The following TIE1 variants were observed in gnomAD, a reference collection of about 807,000 sequenced individuals.
The protein encoded by TIE1 is tyrosine-protein kinase receptor Tie-1.
In TIE1, 89 loss-of-function variants were observed where a neutral mutation model predicts 130.5. That is an observed-to-expected ratio of 0.68 (90% CI 0.57 to 0.81). TIE1 has a LOEUF of 0.81. Among genes scored for constraint, TIE1 ranks in the 40% least tolerant of loss-of-function variants. TIE1 has a pLI of 0.00. For missense variants in TIE1, 1,392 were observed against 1,559.8 expected (o/e 0.89, Z 1.81); for synonymous variants, 568 against 629.4 (o/e 0.90, Z 1.46).
Position 43,315,588 on chromosome 1 carries a change from A to G in TIE1, c.2410-1611A>G, listed in dbSNP as rs1646851009. On this transcript the variant is annotated intron_variant, in intron 14 of 22. Coordinates refer to ENST00000372476, the MANE Select transcript of TIE1 (RefSeq NM_005424.5). This position sits in a 1 kb window ranked among gnomAD's most constrained non-coding sequence, Gnocchi z 4.4. Reference sequence around the variant, plus strand: ...AGAACTGCTTGAACCCGGATGGCAGAGGTTGCAGTGAGCCAATATCACGCC... The same window carrying G: ...AGAACTGCTTGAACCCGGATGGCAGGGGTTGCAGTGAGCCAATATCACGCC... Among the ~76,000 whole-genome samples the G allele has an allele frequency of 6.6e-6, 1 of 152,082 alleles. No individual in the cohort carries two copies. Among genetic ancestry groups the G allele is most frequent in the Non-Finnish European group, 1.5e-5 (1 of 68,010 alleles).
chr1:43,312,573 C>T lies in TIE1; in HGVS notation c.1899C>T (p.Pro633=). The change falls in exon 12 of 23, where the codon CCC becomes CCT. Residue 633 remains proline (P), a synonymous_variant. Coordinates refer to ENST00000372476, the MANE Select transcript of TIE1 (RefSeq NM_005424.5). This position sits in a 1 kb window ranked among gnomAD's most constrained non-coding sequence, Gnocchi z 5.6. ...GCACCCTCCTGGGCCCGGCCTCGCCCCCTGCACACGTGCTTCTGCCCCCCA... is the reference window on the plus strand; with the variant it reads ...GCACCCTCCTGGGCCCGGCCTCGCCTCCTGCACACGTGCTTCTGCCCCCCA... ...YHCTLLGPAS[P]PAHVLLPPSG... The T allele has an allele frequency of 1.2e-6, 2 of 1,610,646 alleles. No individual in the cohort carries two copies. The highest frequency in any genetic ancestry group is 1.7e-6 in the Non-Finnish European group (2 of 1,178,494).
chr1:43,312,064 G>A lies in TIE1; in HGVS notation c.1563G>A (p.Leu521=), dbSNP rs1646801438. 6.2e-7 allele frequency: 1 copy of A among 1,606,620 alleles called. No homozygotes were observed. The highest frequency in any genetic ancestry group is 1.3e-5 in the African/African-American group (1 of 74,890). ...PKTGYSVRVQ[L]SRPGEGGEGA... ...CAGGATACAGTGTTCGTGTGCAGCTGAGCCGGCCAGGGGAAGGAGGAGAGG... is the reference window on the plus strand; with the variant it reads ...CAGGATACAGTGTTCGTGTGCAGCTAAGCCGGCCAGGGGAAGGAGGAGAGG... The change falls in exon 11 of 23, where the codon CTG becomes CTA. Residue 521 remains leucine, a synonymous_variant. Transcript: ENST00000372476. The surrounding 1 kb of genome is among the most constrained non-coding windows in gnomAD (Gnocchi z 5.6).
In TIE1 at chr1:43,322,263, GTTC is replaced by G. The variant is rs1180677134; in HGVS notation, c.3346-384_3346-382del. Among the ~76,000 whole-genome samples the G allele has an allele frequency of 6.6e-6, 1 of 152,166 alleles. No individual in the cohort carries two copies. Among genetic ancestry groups the G allele is most frequent in the Non-Finnish European group, 1.5e-5 (1 of 68,032 alleles). On this transcript the variant is annotated intron_variant, in intron 22 of 22. Coordinates refer to ENST00000372476, the MANE Select transcript of TIE1 (RefSeq NM_005424.5). The surrounding 1 kb of genome is among the most constrained non-coding windows in gnomAD (Gnocchi z 4.0). ...ATATCAAAATTAGTAAATATGAAGA[GTTC>G]TTCAAGTAAATTAATGATTAAATAA... is the stretch of plus-strand genomic sequence containing the variant.
chr1:43,321,858 C>T, intron 22 of TIE1, 143 bp downstream of exon 22: 1 of 772,020 alleles, frequency 1.3e-6, no homozygotes, highest in South Asian at 1.7e-5. Context: ...TAGGCTGGGC[C>T]CCAGGATGCA....
Position 43,307,301 on chromosome 1 carries a change from G to A in TIE1, c.772+28G>A. 1.2e-6 allele frequency: 2 copies of A among 1,613,868 alleles called. No homozygotes were observed. Among genetic ancestry groups the A allele is most frequent in the Non-Finnish European group, 8.5e-7 (1 of 1,179,946 alleles). ...AAGGAGGAGGGGAGCTAGGACCCAG[G>A]CAGGAGAGGATCCCTGACTGGGAGA... On this transcript the variant is annotated intron_variant, in intron 5 of 22. Coordinates refer to ENST00000372476, the MANE Select transcript of TIE1 (RefSeq NM_005424.5). The surrounding 1 kb of genome is among the most constrained non-coding windows in gnomAD (Gnocchi z 5.4).
intron 10 of TIE1, 63 bp from the exon 11 acceptor site, chr1:43,311,931 G>C (rs1468133884): frequency 1.9e-6 from 3 of 1,564,364 alleles, no homozygotes; most frequent in Non-Finnish European, 2.6e-6. Flanking sequence ...GGGCTGAAGG[G>C]AGCATGGCAG....
chr1:43,313,254 G>A lies in TIE1; in HGVS notation c.2047G>A (p.Val683Met). The A allele has an allele frequency of 6.2e-7, 1 of 1,614,028 alleles. No individual in the cohort carries two copies. Among genetic ancestry groups the A allele is most frequent in the African/African-American group, 1.3e-5 (1 of 75,026 alleles). ...ATCCAAGTACGTTGTGGAGGTGCAG[G>A]TGGCTGGGGGTGCAGGAGACCCACT... ...PISKYVVEVQ[V>M]AGGAGDPLWI... Residue 683 changes from valine (V) to methionine (M), a missense_variant, in exon 13 of 23, where the codon GTG (valine) becomes ATG (methionine). Val to Met is a conservative substitution (Grantham distance 21, BLOSUM62 1). Transcript: ENST00000372476. This position sits in a 1 kb window ranked among gnomAD's most constrained non-coding sequence, Gnocchi z 6.2.
chr1:43,310,457 T>C (rs1187603365), intron 9 of TIE1, among the ~76,000 whole-genome samples: 1 of 152,204 alleles, frequency 6.6e-6, no homozygotes, highest in African/African-American at 2.4e-5. Context: ...TGATGATGTA[T>C]TTAAGCATTT....
rs779840101 is a variant in TIE1, at chr1:43,313,335, G to A, written c.2128G>A (p.Ala710Thr). ...AAGCACCATCATCCGTGGCCTCAAC[G>A]CCAGCACGCGCTACCTCTTCCGCAT... ...ETSTIIRGLN[A>T]STRYLFRMRA... The change falls in exon 13 of 23, where the codon GCC becomes ACC. Residue 710 changes from alanine to threonine, a missense_variant. Ala to Thr is a moderately conservative substitution (Grantham distance 58, BLOSUM62 0). Transcript: ENST00000372476. The surrounding 1 kb of genome is among the most constrained non-coding windows in gnomAD (Gnocchi z 6.2). 12 of 1,613,890 alleles carry A rather than the reference G, an allele frequency of 7.4e-6. No homozygotes were observed. The highest frequency in any genetic ancestry group is 5.0e-5 in the Admixed American group (3 of 59,990).
Position 43,317,467 on chromosome 1 carries a change from A to G in TIE1, c.2620+58A>G. ...TGCTCTCCTTTGTCCCACAAATCCC[A>G]GGCCCCACCTGGCTTCCTCCAGCAA... On this transcript the variant is annotated intron_variant, in intron 15 of 22. Coordinates refer to ENST00000372476, the MANE Select transcript of TIE1 (RefSeq NM_005424.5). This position sits in a 1 kb window ranked among gnomAD's most constrained non-coding sequence, Gnocchi z 5.1. The G allele has an allele frequency of 6.2e-7, 1 of 1,611,432 alleles. No individual in the cohort carries two copies. The highest frequency in any genetic ancestry group is 2.2e-5 in the East Asian group (1 of 44,866).
At position 43,316,154 on chromosome 1, in the gene TIE1, C is replaced by A. The variant is rs1015512112; in HGVS notation, c.2410-1045C>A. ...TGTGTGCTCCATGTATGAGTGCACA[C>A]GTGCATCCCCTGTGAGTGCCACATG... On this transcript the variant is annotated intron_variant, in intron 14 of 22. Transcript: ENST00000372476. The surrounding 1 kb of genome is among the most constrained non-coding windows in gnomAD (Gnocchi z 4.4). Among the ~76,000 whole-genome samples, 1 of 152,246 alleles carries A rather than the reference C, an allele frequency of 6.6e-6. No individual in the cohort carries two copies. The highest frequency in any genetic ancestry group is 2.4e-5 in the African/African-American group (1 of 41,462).
rs1402676012 is a variant in TIE1 at position 43,306,190 on chromosome 1, T to G, written c.485-650T>G. On this transcript the variant is annotated intron_variant, in intron 3 of 22. Coordinates refer to ENST00000372476, the MANE Select transcript of TIE1 (RefSeq NM_005424.5). The surrounding 1 kb of genome is among the most constrained non-coding windows in gnomAD (Gnocchi z 4.9). ...ACTTGAATTGTGCTCAGAGGAGAAG[T>G]GGGAAGACAAAGAAGGCAGAAAAGG... 6.6e-6 allele frequency among the ~76,000 whole-genome samples: 1 copy of G among 151,514 alleles called. No homozygotes were observed. The highest frequency in any genetic ancestry group is 1.5e-5 in the Non-Finnish European group (1 of 67,858).
Position 43,306,972 on chromosome 1 carries a change from C to T in TIE1, c.617C>T (p.Ala206Val), listed in dbSNP as rs1646734913. 6.2e-7 allele frequency: 1 copy of T among 1,613,958 alleles called. No individual in the cohort carries two copies. The highest frequency in any genetic ancestry group is 1.1e-5 in the South Asian group (1 of 91,084). Residue 206 changes from alanine to valine, a missense_variant, in exon 4 of 23, where the codon GCC becomes GTC. Physicochemically the swap from Ala to Val is moderately conservative, Grantham distance 64. This residue lies in a region of TIE1 where 415 missense variants were observed against 424.8 expected (regional missense o/e 0.98). Coordinates refer to ENST00000372476, the MANE Select transcript of TIE1 (RefSeq NM_005424.5). This position sits in a 1 kb window ranked among gnomAD's most constrained non-coding sequence, Gnocchi z 4.9. Reference protein sequence around the residue: ...TYLEASPLGSAFFRLIVRGCG... With the variant: ...TYLEASPLGSVFFRLIVRGCG... Reference sequence around the variant, plus strand: ...CTGGAAGCCAGCCCCCTGGGCAGCGCCTTCTTTCGGCTCATCGTGCGGGGT... The same window carrying T: ...CTGGAAGCCAGCCCCCTGGGCAGCGTCTTCTTTCGGCTCATCGTGCGGGGT...
Position 43,314,338 on chromosome 1 carries a change from A to G in TIE1, c.2409+370A>G. 6 of 1,146,958 alleles carry G rather than the reference A, an allele frequency of 5.2e-6. No individual in the cohort carries two copies. The South Asian group carries it at 1.1e-4, about 21-fold the overall frequency. 71.0% of individuals were successfully genotyped at this position (1,146,958 alleles called of 1,614,324 possible). A position where few individuals can be genotyped will look rare whatever the true frequency, so the allele number is the denominator to read the frequency against. On this transcript the variant is annotated intron_variant, in intron 14 of 22. Transcript: ENST00000372476. ...TCTAGGCCTAGATAGCAAGGTGATC[A>G]AATGGAAGGGCACTTGGGGTTCATG... is the stretch of plus-strand genomic sequence containing the variant.
In TIE1 at chr1:43,322,079, C is replaced by G. The variant is rs1272876331; in HGVS notation, c.3345+364C>G. Among the ~76,000 whole-genome samples the G allele has an allele frequency of 2.0e-5, 3 of 152,108 alleles. No individual in the cohort carries two copies. Among genetic ancestry groups the G allele is most frequent in the Non-Finnish European group, 4.4e-5 (3 of 68,016 alleles). On this transcript the variant is annotated intron_variant, in intron 22 of 22. Transcript: ENST00000372476. This position sits in a 1 kb window ranked among gnomAD's most constrained non-coding sequence, Gnocchi z 4.0. ...GCAGAGTGCATGAATAGTCACTAACCAGATGGATGGATGGGTGAATGAGTG... is the reference window on the plus strand; with the variant it reads ...GCAGAGTGCATGAATAGTCACTAACGAGATGGATGGATGGGTGAATGAGTG...
chr1:43,322,502 GGTAA>G lies in TIE1; in HGVS notation c.3346-148_3346-145del. 2 of 638,434 alleles carry G rather than the reference GGTAA, an allele frequency of 3.1e-6. No individual in the cohort carries two copies. Among genetic ancestry groups the G allele is most frequent in the Admixed American group, 4.9e-5 (2 of 40,404 alleles). The allele number at this position is 638,434 out of a possible 1,614,324, so 39.5% of individuals were successfully genotyped here. On this transcript the variant is annotated intron_variant, in intron 22 of 22. Transcript: ENST00000372476. The surrounding 1 kb of genome is among the most constrained non-coding windows in gnomAD (Gnocchi z 4.0). ...CCTGATGCCTTCACTGCCCTGGGCT[GGTAA>G]AGGCCACTCTTGGCCATGGGGCCAT...
In TIE1 at chr1:43,319,563, G is replaced by A. The variant is rs752680602; in HGVS notation, c.3107+34G>A. ...GAGATGAGAGGGCACAGGAGGGCTT[G>A]GCCCCCAAGAATCACCCAGGCCTGA... is the stretch of plus-strand genomic sequence containing the variant. On this transcript the variant is annotated intron_variant, in intron 19 of 22. Transcript: ENST00000372476. The surrounding 1 kb of genome is among the most constrained non-coding windows in gnomAD (Gnocchi z 4.7). 7 of 1,607,372 alleles carry A rather than the reference G, an allele frequency of 4.4e-6. No homozygotes were observed. The East Asian group carries it at 1.6e-4, about 36-fold the overall frequency.
intron 19 of TIE1, among the ~76,000 whole-genome samples, 199 bp from the exon 20 acceptor site, chr1:43,321,070 C>T (rs1388322324): frequency 6.7e-6 from 1 of 149,548 alleles, no homozygotes; most frequent in East Asian, 2.0e-4. Context: ...CAAAAGAGCT[C>T]TAATTGTGCT....
At position 43,315,756 on chromosome 1, in the gene TIE1, G is replaced by A. The variant is rs1040366140; in HGVS notation, c.2410-1443G>A. Among the ~76,000 whole-genome samples, 2 of 152,198 alleles carry A rather than the reference G, an allele frequency of 1.3e-5. No individual in the cohort carries two copies. Among genetic ancestry groups the A allele is most frequent in the African/African-American group, 4.8e-5 (2 of 41,430 alleles). On this transcript the variant is annotated intron_variant, in intron 14 of 22. Coordinates refer to ENST00000372476, the MANE Select transcript of TIE1 (RefSeq NM_005424.5). The surrounding 1 kb of genome is among the most constrained non-coding windows in gnomAD (Gnocchi z 4.4). ...GTGCACACAGAAAGCCCTCACTGCTGTGGTGGGGGAGGGTAATGGGTACAG... is the reference window on the plus strand; with the variant it reads ...GTGCACACAGAAAGCCCTCACTGCTATGGTGGGGGAGGGTAATGGGTACAG...
Sources: gnomAD v4.1 joint callset for allele counts (sites outside exome capture counted in the v4.1 genomes callset) on GRCh38, gnomAD v4.1.1 for gene constraint, gnomAD v4.1.1 regional missense constraint, Gnocchi (gnomAD v3.1) non-coding constraint, MANE v1.5 for transcripts, NCBI Gene and HGNC (gene_info 2026-07-23, HGNC 2026-07-21) for gene names.